The following NAALADL2 variants were observed in gnomAD, a reference collection of about 807,000 sequenced individuals.
NAALADL2 encodes inactive N-acetylated-alpha-linked acidic dipeptidase-like protein 2.
In NAALADL2, 76 loss-of-function variants were observed where a neutral mutation model predicts 87.2. The observed-to-expected ratio is 0.87, with a 90% confidence interval of 0.72 to 1.05. NAALADL2 has a LOEUF of 1.05. NAALADL2 is among the 50% of genes least tolerant of loss of function. The probability of loss-of-function intolerance (pLI) is 0.00; values close to 1 mark genes in which losing one functional copy is unlikely to be tolerated. For missense variants in NAALADL2, 1,089 were observed against 945.8 expected (o/e 1.15, Z -1.99); for synonymous variants, 354 against 331.0 (o/e 1.07, Z -0.75).
At chr3:175,096,069 A>T (rs1721107083) in intron 1 of NAALADL2, among the ~76,000 whole-genome samples, 1 of 152,102 alleles carries the variant, frequency 6.6e-6, no homozygotes, top group African/African-American at 2.4e-5. Context: ...TCCTCTTTGG[A>T]TTGATGCCAT....
At position 175,348,612 on chromosome 3, in the gene NAALADL2, T is replaced by C. The variant is rs79454732; in HGVS notation, c.1090+24287T>C. Among the ~76,000 whole-genome samples, 1,031 of 152,272 alleles carry C rather than the reference T, an allele frequency of 6.8e-3. 12 individuals carry two copies. Among genetic ancestry groups the C allele is most frequent in the African/African-American group, 0.024 (983 of 41,556 alleles). On this transcript the variant is annotated intron_variant, in intron 5 of 13. Transcript: ENST00000454872. ...AGTTGTCAACACTCCGTGGTGTTCC[T>C]TGACTTGCTGCCTCACTCTAATTTC...
At chr3:174,604,029 T>C (rs567233484) in intron 2 of NAALADL2, among the ~76,000 whole-genome samples, 1 of 152,174 alleles carries the variant, frequency 6.6e-6, no homozygotes, top group Non-Finnish European at 1.5e-5. Context: ...AAAGAGTGTC[T>C]ATCCTACAGC....
chr3:175,558,936 GA>G (rs1404992227), intron 9 of NAALADL2, among the ~76,000 whole-genome samples: 4 of 151,984 alleles, frequency 2.6e-5, no homozygotes, highest in African/African-American at 7.2e-5. Flanking sequence ...TAAATTTTAA[GA>G]TTTTTTTGTT....
chr3:175,211,655 G>C (rs991289980), intron 2 of NAALADL2, among the ~76,000 whole-genome samples: 16 of 151,804 alleles, frequency 1.1e-4, no homozygotes, highest in Non-Finnish European at 2.2e-4. Flanking sequence ...GTAGATCTTG[G>C]ATGTATTCCC....
At chr3:175,017,097 C>T (rs1750922465) in intron 1 of NAALADL2, among the ~76,000 whole-genome samples, 1 of 151,952 alleles carries the variant, frequency 6.6e-6, no homozygotes, top group African/African-American at 2.4e-5. Flanking sequence ...CAACTAGTTA[C>T]CCATAGAATG....
intron 9 of NAALADL2, among the ~76,000 whole-genome samples, chr3:175,528,022 A>C (rs1384446264): frequency 6.6e-6 from 1 of 152,062 alleles, no homozygotes; most frequent in African/African-American, 2.4e-5. Flanking sequence ...TTTAGTGTGT[A>C]GTTTGAAAAA....
At chr3:174,733,366 G>A (rs1052840844) in intron 2 of NAALADL2, among the ~76,000 whole-genome samples, 1 of 152,220 alleles carries the variant, frequency 6.6e-6, no homozygotes, top group Non-Finnish European at 1.5e-5. Context: ...GATAGGAAAA[G>A]CAAGGATCAG....
At chr3:174,944,529 T>C (rs1739119498) in intron 1 of NAALADL2, among the ~76,000 whole-genome samples, 1 of 152,178 alleles carries the variant, frequency 6.6e-6, no homozygotes, top group African/African-American at 2.4e-5. Flanking sequence ...CATGGAAGTA[T>C]GGCCTGCAGA....
intron 3 of NAALADL2, among the ~76,000 whole-genome samples, chr3:174,799,030 C>T (rs969683685): frequency 1.3e-5 from 2 of 151,904 alleles, no homozygotes; most frequent in Non-Finnish European, 2.9e-5. Context: ...ATTACTTGGG[C>T]ATGGTGGCAC....
intron 3 of NAALADL2, among the ~76,000 whole-genome samples, chr3:174,814,440 T>G (rs1720565231): frequency 1.3e-5 from 2 of 152,122 alleles, no homozygotes; most frequent in African/African-American, 2.4e-5. Context: ...TGGGAAGAAT[T>G]TAAATATGTA....
intron 9 of NAALADL2, among the ~76,000 whole-genome samples, chr3:175,480,853 A>G (rs182238530): frequency 9.9e-5 from 15 of 152,062 alleles, no homozygotes; most frequent in African/African-American, 3.1e-4. Context: ...AGAACTATGT[A>G]TATTAGAAAA....
chr3:175,155,721 G>T (rs548005785), intron 2 of NAALADL2, among the ~76,000 whole-genome samples: 2 of 152,230 alleles, frequency 1.3e-5, no homozygotes, highest in Non-Finnish European at 2.9e-5. Flanking sequence ...TATGTAGCCA[G>T]TGTTCCCCAA....
chr3:175,311,758 A>G (rs62287008), intron 4 of NAALADL2, among the ~76,000 whole-genome samples: 27,721 of 148,666 alleles, frequency 0.19, 2,846 homozygotes, highest in East Asian at 0.25. Flanking sequence ...TCCTTCCTGA[A>G]TTATGATAAA....
At chr3:175,459,122 T>A (rs557397884) in intron 6 of NAALADL2, among the ~76,000 whole-genome samples, 1 of 152,070 alleles carries the variant, frequency 6.6e-6, no homozygotes, top group African/African-American at 2.4e-5. Context: ...AAAAGAAAAT[T>A]AGCACAACAA....
chr3:174,780,218 T>G (rs1447188081), intron 3 of NAALADL2, among the ~76,000 whole-genome samples: 1 of 151,836 alleles, frequency 6.6e-6, no homozygotes, highest in Non-Finnish European at 1.5e-5. Context: ...TGCAAATTCC[T>G]TGTAAGTTGT....
chr3:174,662,330 TA>T (rs766204787), intron 2 of NAALADL2, among the ~76,000 whole-genome samples: 70 of 152,194 alleles, frequency 4.6e-4, no homozygotes, highest in Admixed American at 2.6e-4. Flanking sequence ...ATTCATTACA[TA>T]AAATTTATTA....
intron 2 of NAALADL2, among the ~76,000 whole-genome samples, chr3:175,129,842 G>A (rs903481294): frequency 6.6e-6 from 1 of 152,168 alleles, no homozygotes; most frequent in Non-Finnish European, 1.5e-5. Flanking sequence ...TTCCCAGAAT[G>A]AGAATTGTTA....
chr3:174,654,244 T>C (rs1724680889), intron 2 of NAALADL2, among the ~76,000 whole-genome samples: 1 of 152,206 alleles, frequency 6.6e-6, no homozygotes, highest in Admixed American at 6.5e-5. Flanking sequence ...GGTCTGAGTG[T>C]GTGCCACAGT....
chr3:174,462,476 T>C (rs1311183498), intron 1 of NAALADL2, among the ~76,000 whole-genome samples: 4 of 152,178 alleles, frequency 2.6e-5, no homozygotes, highest in South Asian at 2.1e-4. Context: ...GCAGATACTA[T>C]GTATTTTTAT....
Sources: allele counts gnomAD v4.1 joint callset (sites outside exome capture counted in the v4.1 genomes callset), GRCh38; gene constraint gnomAD v4.1.1; transcripts MANE v1.5; gene names NCBI Gene and HGNC (gene_info 2026-07-23, HGNC 2026-07-21).